The following WDR62 variants were observed in gnomAD, a reference collection of about 807,000 sequenced individuals.
WDR62 encodes the protein WD repeat-containing protein 62.
WDR62 carries 112 observed loss-of-function variants against 160.6 expected under a neutral mutation model. That is an observed-to-expected ratio of 0.70 (90% CI 0.60 to 0.82). The LOEUF (loss-of-function observed/expected upper bound fraction) is 0.82. Ranked by LOEUF, WDR62 falls within the 40% of genes least tolerant of loss-of-function variation. The pLI, the probability that WDR62 is intolerant of heterozygous loss-of-function variation, is 0.00. For missense variants in WDR62, 1,819 were observed against 1,983.8 expected, an observed-to-expected ratio of 0.92 and a Z score of 1.58; for synonymous variants, 792 against 815.1, an observed-to-expected ratio of 0.97 and a Z score of 0.48.
At chr19:36,066,483 T>A in intron 5 of WDR62, 56 bp downstream of exon 5, 1 of 1,546,432 alleles carries the variant, frequency 6.5e-7, no homozygotes, top group Non-Finnish European at 8.7e-7. Flanking sequence ...GCATCCTATG[T>A]CTTGGGCACA....
At chr19:36,106,829 C>G (rs1599854896), downstream of WDR62, among the ~76,000 whole-genome samples, 1 of 152,178 alleles carries the variant, frequency 6.6e-6, no homozygotes, top group African/African-American at 2.4e-5. Context: ...AATCTCTGCT[C>G]TTAATGTTTG....
chr19:36,066,199 A>G (rs1970928846), intron 4 of WDR62, 58 bp from the exon 5 acceptor site: 1 of 1,611,474 alleles, frequency 6.2e-7, no homozygotes, highest in Non-Finnish European at 8.5e-7. Context: ...GGCCTTGACA[A>G]CCCTCTAGCC....
Position 36,099,221 on chromosome 19 carries a change from C to CAAAA in WDR62, c.2521-158_2521-155dup, listed in dbSNP as rs71167592. Among the ~76,000 whole-genome samples the CAAAA allele has an allele frequency of 5.9e-4, 45 of 76,300 alleles. 1 individual carries two copies. Among genetic ancestry groups the CAAAA allele is most frequent in the African/African-American group, 1.4e-3 (28 of 19,484 alleles). 50.1% of individuals were successfully genotyped at this position (76,300 alleles called of 152,430 possible). Reference sequence around the variant, plus strand: ...TGGGAGACAGAGCAAGACTTCGTCTCAAAAAAAAAAAAAAAAAAAAAAACA... The same window carrying CAAAA: ...TGGGAGACAGAGCAAGACTTCGTCTCAAAAAAAAAAAAAAAAAAAAAAAAAAACA... On this transcript the variant is annotated intron_variant, in intron 21 of 31. Coordinates refer to ENST00000401500, the MANE Select transcript of WDR62 (RefSeq NM_001083961.2).
intron 7 of WDR62, among the ~76,000 whole-genome samples, chr19:36,070,061 T>A (rs1971212033): frequency 7.1e-6 from 1 of 141,194 alleles, no homozygotes; most frequent in East Asian, 2.0e-4. Flanking sequence ...AGAGGAGGAT[T>A]GCATTTTTTA....
chr19:36,102,054 G>A lies in WDR62; in HGVS notation c.3123G>A (p.Glu1041=). ...CAGAAGATGAGCTGTCCCTGCCCGA[G>A]GGACCCAGCGTCCCCAGCAGCTCCC... ...GPTEDELSLP[E]GPSVPSSSLP... is the part of the protein sequence containing the mutation. The change falls in exon 26 of 32, where the codon GAG becomes GAA. Residue 1041 remains glutamate (E), a synonymous_variant. Transcript: ENST00000401500. 6.2e-7 allele frequency: 1 copy of A among 1,614,164 alleles called. No individual in the cohort carries two copies. Among genetic ancestry groups the A allele is most frequent in the Non-Finnish European group, 8.5e-7 (1 of 1,180,034 alleles).
downstream of WDR62, among the ~76,000 whole-genome samples, chr19:36,106,951 T>C (rs990284250): frequency 3.3e-5 from 5 of 152,170 alleles, no homozygotes; most frequent in African/African-American, 1.2e-4. Flanking sequence ...TCGGCCACCA[T>C]TGCCCAAAAC....
chr19:36,096,933 T>C lies in WDR62; in HGVS notation c.2468-94T>C, dbSNP rs1973002598. On this transcript the variant is annotated intron_variant, in intron 20 of 31. Transcript: ENST00000401500. ...GCTGTTGAGCCTTCTGACTTCTGGG[T>C]TGTGGTGTTGCCTCTTTGGGGACTG... The C allele has an allele frequency of 1.1e-5, 12 of 1,131,532 alleles. No individual in the cohort carries two copies. In the South Asian group the frequency reaches 1.6e-4, roughly 15 times the overall value. 70.1% of individuals were successfully genotyped at this position (1,131,532 alleles called of 1,614,324 possible). A position where few individuals can be genotyped will look rare whatever the true frequency, so the allele number is the denominator to read the frequency against.
the WDR62 span, chr19:36,111,066 C>T: frequency 2.4e-6 from 2 of 831,544 alleles, no homozygotes; most frequent in South Asian, 3.6e-5. Context: ...CTCCCAGGGC[C>T]AGCCAGGAAA....
intron 9 of WDR62, among the ~76,000 whole-genome samples, chr19:36,077,594 C>CCTCTTTCTTTCTTTTT (rs1452830557): frequency 2.1e-5 from 3 of 146,108 alleles, no homozygotes; most frequent in Non-Finnish European, 4.5e-5. Context: ...CCTTTCTTTT[C>CCTCTTTCTTTCTTTTT]CTCTTTCTTT....
At chr19:36,069,815 C>T (rs982178570) in intron 7 of WDR62, among the ~76,000 whole-genome samples, 2 of 152,208 alleles carry the variant, frequency 1.3e-5, no homozygotes, top group Non-Finnish European at 2.9e-5. Flanking sequence ...ACAGCGAAAC[C>T]CTGTGTTTGG....
rs146455677 is a variant in WDR62, at chr19:36,103,187, T to C, written c.3494T>C (p.Leu1165Pro). Reference protein sequence around the residue: ...VLAAGKAEETLEAWRPPPPCL... With the variant: ...VLAAGKAEETPEAWRPPPPCL... ...GCTGCAGGGAAGGCTGAAGAGACCC[T>C]GGAGGCCTGGCGCCCACCACGTGAG... Residue 1165 changes from leucine (L) to proline (P), a missense_variant, in exon 29 of 32, where the codon CTG (leucine) becomes CCG (proline). Physicochemically the swap from Leu to Pro is moderately conservative, Grantham distance 98. This residue lies in a region of WDR62 where 770 missense variants were observed against 734.2 expected (regional missense o/e 1.05). Coordinates refer to ENST00000401500, the MANE Select transcript of WDR62 (RefSeq NM_001083961.2). 22 of 1,613,836 alleles carry C rather than the reference T, an allele frequency of 1.4e-5. No homozygotes were observed. The African/African-American group carries it at 2.5e-4, about 19-fold the overall frequency.
At chr19:36,088,308 A>G (rs1344533626) in intron 13 of WDR62, among the ~76,000 whole-genome samples, 1 of 152,068 alleles carries the variant, frequency 6.6e-6, no homozygotes, top group East Asian at 1.9e-4. Flanking sequence ...CTCTGTCTCA[A>G]AAAAAAAGAA....
chr19:36,079,225 G>A (rs1568342687), intron 9 of WDR62, among the ~76,000 whole-genome samples: 1 of 152,076 alleles, frequency 6.6e-6, no homozygotes, highest in Admixed American at 6.5e-5. Context: ...GGGACCACAG[G>A]CATGCACTAC....
intron 23 of WDR62, 114 bp from the exon 24 acceptor site, chr19:36,101,100 C>A (rs1369702129): frequency 3.4e-6 from 4 of 1,188,798 alleles, no homozygotes; most frequent in Non-Finnish European, 4.9e-6. Context: ...GGGAGGCTGT[C>A]GCAGTGCTCC....
intron 1 of WDR62, among the ~76,000 whole-genome samples, chr19:36,056,879 G>A (rs1479002665): frequency 2.7e-5 from 4 of 150,072 alleles, no homozygotes; most frequent in Non-Finnish European, 5.9e-5. Context: ...GGTTGATCTC[G>A]GCTCACTGCA....
intron 7 of WDR62, among the ~76,000 whole-genome samples, chr19:36,068,467 C>G (rs950997745): frequency 6.6e-6 from 1 of 152,108 alleles, no homozygotes; most frequent in Non-Finnish European, 1.5e-5. Context: ...AACAAGTGAA[C>G]AAAGGTCTCT....
chr19:36,069,747 G>T (rs867196509), intron 7 of WDR62, among the ~76,000 whole-genome samples: 1 of 152,242 alleles, frequency 6.6e-6, no homozygotes, highest in Non-Finnish European at 1.5e-5. Flanking sequence ...CCGGCACCTC[G>T]GGAGGCCGAG....
chr19:36,089,017 C>A, intron 13 of WDR62, 21 bp from the exon 14 acceptor site: 1 of 1,613,490 alleles, frequency 6.2e-7, no homozygotes, highest in Non-Finnish European at 8.5e-7. Context: ...CTGCCTAACA[C>A]ACAGCGTCCT....
chr19:36,101,380 G>A (rs894674266), intron 24 of WDR62, 63 bp downstream of exon 24: 2 of 1,412,218 alleles, frequency 1.4e-6, no homozygotes, highest in African/African-American at 1.4e-5. Flanking sequence ...CCCTTTCTGG[G>A]CACCGATGGT....
Sources: allele counts gnomAD v4.1 joint callset (sites outside exome capture counted in the v4.1 genomes callset), GRCh38; gene constraint gnomAD v4.1.1; regional missense constraint gnomAD v4.1.1; transcripts MANE v1.5; gene names NCBI Gene and HGNC (gene_info 2026-07-23, HGNC 2026-07-21).